The following HTR2C variants were observed in gnomAD, a reference collection of about 807,000 sequenced individuals.
The protein encoded by HTR2C is 5-hydroxytryptamine receptor 2C.
HTR2C carries 5 observed loss-of-function variants against 21.0 expected under a neutral mutation model. The observed-to-expected ratio is 0.24, with a 90% CI of 0.12 to 0.50. The LOEUF is 0.50. HTR2C is among the 20% of genes least tolerant of loss of function. The probability of loss-of-function intolerance (pLI) is 0.98; values close to 1 mark genes in which losing one functional copy is unlikely to be tolerated. For synonymous variants in HTR2C, 150 were observed against 145.3 expected, an observed-to-expected ratio of 1.03 and a Z score of -0.23; for missense variants, 271 against 371.2, an observed-to-expected ratio of 0.73 and a Z score of 2.22.
At chrX:114,726,668 G>A (rs782093873) in intron 2 of HTR2C, among the ~76,000 whole-genome samples, 190 bp from the exon 3 acceptor site, 1 of 112,447 alleles carries the variant, frequency 8.9e-6, no homozygotes, top group African/African-American at 3.2e-5. Context: ...AAACTGCGAT[G>A]ATAAATAATT....
intron 3 of HTR2C, 49 bp downstream of exon 3, chrX:114,727,020 G>C (rs782398344): frequency 6.5e-6 from 5 of 763,409 alleles, no homozygotes; most frequent in African/African-American, 4.5e-5. Context: ...ACTTTGCTTG[G>C]TAGCTTGCTC....
chrX:114,790,977 G>A (rs1358517023), intron 4 of HTR2C, among the ~76,000 whole-genome samples: 13 of 110,144 alleles, frequency 1.2e-4, no homozygotes, highest in African/African-American at 3.0e-4. Context: ...CAGCCTGGGC[G>A]GCCAGGGGAG....
intron 5 of HTR2C, among the ~76,000 whole-genome samples, chrX:114,851,956 C>T (rs2070921231): frequency 9.0e-6 from 1 of 111,105 alleles, no homozygotes; most frequent in Admixed American, 9.7e-5. Flanking sequence ...TATTTTTCCT[C>T]ATTTTTCTCA....
At chrX:114,905,771 T>C (rs782540082) in intron 5 of HTR2C, among the ~76,000 whole-genome samples, 6 of 111,904 alleles carry the variant, frequency 5.4e-5, no homozygotes, top group Non-Finnish European at 1.1e-4. Context: ...ATATCTTACT[T>C]ATGCTCAGGC....
intron 2 of HTR2C, among the ~76,000 whole-genome samples, chrX:114,725,465 C>A (rs1332436127): frequency 9.0e-6 from 1 of 111,403 alleles, no homozygotes; most frequent in African/African-American, 3.3e-5. Context: ...GTTTGAATTT[C>A]CTCCCGTAGC....
At chrX:114,864,328 G>A (rs781803607) in intron 5 of HTR2C, among the ~76,000 whole-genome samples, 109 of 110,974 alleles carry the variant, frequency 9.8e-4, no homozygotes, top group Non-Finnish European at 1.6e-3. Context: ...TGTGGCTACC[G>A]TGAGGCTTAT....
At chrX:114,843,198 G>A (rs2070848088) in intron 4 of HTR2C, among the ~76,000 whole-genome samples, 1 of 112,137 alleles carries the variant, frequency 8.9e-6, no homozygotes, top group African/African-American at 3.2e-5. Context: ...TACTCAAAGA[G>A]CTGAAGGAAA....
intron 4 of HTR2C, among the ~76,000 whole-genome samples, chrX:114,738,796 A>C (rs961462121): frequency 1.8e-5 from 2 of 109,846 alleles, no homozygotes; most frequent in East Asian, 2.9e-4. Context: ...CCCAGAACTT[A>C]AAGTAGAAAA....
At chrX:114,727,858 C>G (rs1351938800) in intron 3 of HTR2C, among the ~76,000 whole-genome samples, 1 of 111,162 alleles carries the variant, frequency 9.0e-6, no homozygotes, top group Non-Finnish European at 1.9e-5. Context: ...TCCAAGAGAA[C>G]TAGAGCAGAC....
intron 2 of HTR2C, among the ~76,000 whole-genome samples, chrX:114,689,208 G>GTGTGTATATATATATATATA (rs1556414750): frequency 1.4e-5 from 1 of 72,740 alleles, no homozygotes; most frequent in African/African-American, 5.4e-5. Flanking sequence ...GTATGTATGC[G>GTGTGTATATATATATATATA]TATATATATA....
chrX:114,605,807 A>C (rs1928386684), intron 1 of HTR2C, among the ~76,000 whole-genome samples: 1 of 108,925 alleles, frequency 9.2e-6, no homozygotes, highest in Non-Finnish European at 1.9e-5. Flanking sequence ...GCCTAGAGAA[A>C]AGAGAGTAGA....
intron 4 of HTR2C, chrX:114,776,429 G>T: frequency 1.4e-6 from 1 of 726,648 alleles, no homozygotes; most frequent in Non-Finnish European, 2.2e-6. Context: ...CACCTCCTCT[G>T]GATAGAAGAT....
chrX:114,742,085 G>A (rs2147357053), intron 4 of HTR2C, among the ~76,000 whole-genome samples: 1 of 111,295 alleles, frequency 9.0e-6, no homozygotes, highest in East Asian at 2.8e-4. Context: ...GGCTTTGTCT[G>A]GAGAAGACTC....
chrX:114,681,861 A>C (rs1931758235), intron 2 of HTR2C, among the ~76,000 whole-genome samples: 1 of 111,393 alleles, frequency 9.0e-6, no homozygotes, highest in African/African-American at 3.3e-5. Flanking sequence ...GTGCTTTCTA[A>C]TAACTACGTT....
At chrX:114,730,421 A>G (rs782067956) in intron 3 of HTR2C, among the ~76,000 whole-genome samples, 10 of 111,954 alleles carry the variant, frequency 8.9e-5, no homozygotes, top group Non-Finnish European at 1.9e-4. Context: ...AATCATCACC[A>G]CAAATCATTA....
At chrX:114,766,675 T>G (rs942415794) in intron 4 of HTR2C, among the ~76,000 whole-genome samples, 3 of 111,816 alleles carry the variant, frequency 2.7e-5, no homozygotes, top group African/African-American at 9.7e-5. Flanking sequence ...AACAGAGTGC[T>G]TGAACTGTGT....
At chrX:114,635,269 C>A (rs1430988780) in intron 2 of HTR2C, among the ~76,000 whole-genome samples, 1 of 111,860 alleles carries the variant, frequency 8.9e-6, no homozygotes, top group Non-Finnish European at 1.9e-5. Flanking sequence ...TTAAAAGCTT[C>A]AATTTTTGGT....
chrX:114,833,630 G>A (rs1602855611), intron 4 of HTR2C, among the ~76,000 whole-genome samples: 1 of 108,650 alleles, frequency 9.2e-6, no homozygotes, highest in African/African-American at 3.4e-5. Context: ...TATCAATTTT[G>A]TTGATCCTTT....
intron 5 of HTR2C, among the ~76,000 whole-genome samples, chrX:114,883,431 C>T (rs1455460765): frequency 9.1e-6 from 1 of 110,228 alleles, no homozygotes; most frequent in African/African-American, 3.3e-5. Flanking sequence ...TTAATTTCTG[C>T]TCTAATCTTT....
Sources: gnomAD v4.1 joint callset for allele counts (sites outside exome capture counted in the v4.1 genomes callset) on GRCh38, gnomAD v4.1.1 for gene constraint, MANE v1.5 for transcripts, NCBI Gene and HGNC (gene_info 2026-07-23, HGNC 2026-07-21) for gene names.